ELMOD1: variants seen among roughly 807,000 people sequenced by gnomAD.
ELMOD1 encodes ELMO domain-containing protein 1.
Under a neutral mutation model 46.7 loss-of-function variants are expected in ELMOD1, and 21 were observed. The ratio of observed to expected loss-of-function variants is 0.45; its 90% CI spans 0.32 to 0.65. The LOEUF is 0.65. Among genes scored for constraint, ELMOD1 ranks in the 30% least tolerant of loss-of-function variants. The pLI is 0.04. For synonymous variants in ELMOD1, 122 were observed against 138.2 expected (o/e 0.88, Z 0.82); for missense variants, 348 against 407.8 (o/e 0.85, Z 1.26).
intron 6 of ELMOD1, chr11:107,643,940 A>C (rs1372292608): frequency 6.1e-6 from 1 of 163,182 alleles, no homozygotes; most frequent in Non-Finnish European, 1.3e-5. Context: ...GCCTTTCATG[A>C]TCCATAAAAT....
intron 1 of ELMOD1, among the ~76,000 whole-genome samples, chr11:107,612,079 A>C (rs1464190981): frequency 2.0e-5 from 3 of 152,234 alleles, no homozygotes; most frequent in African/African-American, 7.2e-5. Flanking sequence ...TCGTCACAGC[A>C]TATGTTCACA....
At chr11:107,619,124 G>T (rs931563126) in intron 2 of ELMOD1, among the ~76,000 whole-genome samples, 1 of 152,112 alleles carries the variant, frequency 6.6e-6, no homozygotes, top group African/African-American at 2.4e-5. Flanking sequence ...CCCCACCCCA[G>T]TGGTTTTGGT....
rs547798766 is a variant in ELMOD1 at position 107,647,568 on chromosome 11, G to T, written c.521G>T (p.Arg174Leu). 1 of 1,613,446 alleles carries T rather than the reference G, an allele frequency of 6.2e-7. No individual in the cohort carries two copies. Reference protein sequence around the residue: ...FQGDDPKTDFRGMGLLGLYNL... With the variant: ...FQGDDPKTDFLGMGLLGLYNL... ...GGTGATGATCCTAAAACAGACTTTCGAGGAATGGGACTTCTGGGACTGTAC... is the reference window on the plus strand; with the variant it reads ...GGTGATGATCCTAAAACAGACTTTCTAGGAATGGGACTTCTGGGACTGTAC... The change falls in exon 7 of 12, where the codon CGA becomes CTA. Residue 174 changes from arginine (R) to leucine (L), a missense_variant. By Grantham distance (102) the Arg-to-Leu change is moderately radical. Transcript: ENST00000265840.
intron 6 of ELMOD1, among the ~76,000 whole-genome samples, chr11:107,645,215 G>C (rs1027183198): frequency 1.3e-5 from 2 of 151,700 alleles, no homozygotes; most frequent in African/African-American, 4.8e-5. Context: ...AGGATCACAG[G>C]CGTGAGCCAC....
At chr11:107,594,883 T>A (rs1036475262) in intron 1 of ELMOD1, among the ~76,000 whole-genome samples, 2 of 151,736 alleles carry the variant, frequency 1.3e-5, no homozygotes, top group African/African-American at 4.8e-5. Flanking sequence ...TGAAAATGAC[T>A]CTATGCTTGT....
intron 2 of ELMOD1, among the ~76,000 whole-genome samples, chr11:107,628,160 T>G: frequency 6.7e-6 from 1 of 149,554 alleles, no homozygotes; most frequent in African/African-American, 2.5e-5. Context: ...AGCTGAGGGG[T>G]TTTTTTGTTT....
chr11:107,635,698 A>T lies in ELMOD1; in HGVS notation c.353A>T (p.Asp118Val), dbSNP rs752311387. Reference sequence around the variant, plus strand: ...GTTGGGTACAGGAACCTTATTGCAGATGTGGAAAAACTGCGTAGAGAGGCC... The same window carrying T: ...GTTGGGTACAGGAACCTTATTGCAGTTGTGGAAAAACTGCGTAGAGAGGCC... ...QIVGYRNLIADVEKLRREAYD... is the reference protein window; with the variant it reads ...QIVGYRNLIAVVEKLRREAYD... The change falls in exon 6 of 12, where the codon GAT becomes GTT. Residue 118 changes from aspartate to valine, a missense_variant. Transcript: ENST00000265840. 6.8e-6 allele frequency: 11 copies of T among 1,613,784 alleles called. No homozygotes were observed. The Admixed American group carries it at 1.7e-4, about 24-fold the overall frequency.
intron 1 of ELMOD1, among the ~76,000 whole-genome samples, chr11:107,606,662 G>A (rs651479): frequency 5.6e-4 from 85 of 152,094 alleles, no homozygotes; most frequent in Middle Eastern, 6.8e-3. Context: ...TGGTGAAACC[G>A]CGTCTCTACT....
intron 1 of ELMOD1, among the ~76,000 whole-genome samples, chr11:107,614,293 G>A (rs562325947): frequency 6.6e-6 from 1 of 152,256 alleles, no homozygotes; most frequent in Non-Finnish European, 1.5e-5. Flanking sequence ...TTTAGGTATA[G>A]GATTTATTCC....
chr11:107,654,662 G>T (rs1014249790), intron 10 of ELMOD1, among the ~76,000 whole-genome samples: 2 of 151,906 alleles, frequency 1.3e-5, no homozygotes, highest in Admixed American at 6.6e-5. Flanking sequence ...CCAGCTACTC[G>T]GGAGGCTGAG....
intron 2 of ELMOD1, among the ~76,000 whole-genome samples, chr11:107,629,960 C>G (rs762314227): frequency 6.6e-6 from 1 of 151,724 alleles, no homozygotes; most frequent in Non-Finnish European, 1.5e-5. Context: ...TGGGATTGGT[C>G]GAGGGTGAGG....
At chr11:107,657,403 TGTA>T (rs1455733840) in intron 11 of ELMOD1, among the ~76,000 whole-genome samples, 2 of 152,016 alleles carry the variant, frequency 1.3e-5, no homozygotes, top group Non-Finnish European at 2.9e-5. Context: ...ATTAGCCAGC[TGTA>T]GTCCCAGCCA....
At chr11:107,644,462 T>G (rs1195019856) in intron 6 of ELMOD1, among the ~76,000 whole-genome samples, 2 of 151,956 alleles carry the variant, frequency 1.3e-5, no homozygotes, top group Non-Finnish European at 2.9e-5. Context: ...AAACAAGATA[T>G]ATATATATAT....
intron 7 of ELMOD1, among the ~76,000 whole-genome samples, chr11:107,647,957 T>C (rs886118619): frequency 1.3e-5 from 2 of 152,196 alleles, no homozygotes; most frequent in Non-Finnish European, 2.9e-5. Flanking sequence ...CATTATTTTT[T>C]TGGCAGAAGG....
chr11:107,635,448 C>T (rs1866212077), intron 5 of ELMOD1, among the ~76,000 whole-genome samples, 188 bp from the exon 6 acceptor site: 1 of 152,144 alleles, frequency 6.6e-6, no homozygotes, highest in South Asian at 2.1e-4. Flanking sequence ...AAATTTTAGC[C>T]AGGTTCTACA....
intron 2 of ELMOD1, among the ~76,000 whole-genome samples, chr11:107,627,126 C>T (rs1035188752): frequency 6.6e-6 from 1 of 152,122 alleles, no homozygotes; most frequent in African/African-American, 2.4e-5. Context: ...ACTAGCATAG[C>T]AGGAAAGTAT....
chr11:107,637,916 T>C (rs554351092), intron 6 of ELMOD1, among the ~76,000 whole-genome samples: 13 of 152,290 alleles, frequency 8.5e-5, no homozygotes, highest in African/African-American at 3.1e-4. Context: ...GATATATTCA[T>C]TGTCATTCCC....
chr11:107,631,044 A>G (rs940796230), intron 4 of ELMOD1, among the ~76,000 whole-genome samples: 1 of 152,192 alleles, frequency 6.6e-6, no homozygotes, highest in Non-Finnish European at 1.5e-5. Context: ...TATTTCCTCA[A>G]TATCCAAATC....
Position 107,618,197 on chromosome 11 carries a change from A to G in ELMOD1, c.8A>G (p.His3Arg). 1 of 1,566,584 alleles carries G rather than the reference A, an allele frequency of 6.4e-7. No individual in the cohort carries two copies. Among genetic ancestry groups the G allele is most frequent in the Non-Finnish European group, 8.7e-7 (1 of 1,154,656 alleles). The change falls in exon 2 of 12, where the codon CAC becomes CGC. Residue 3 changes from histidine (H) to arginine (R), a missense_variant. His to Arg is a conservative substitution (Grantham distance 29). Transcript: ENST00000265840. The stretch of plus-strand genomic sequence containing the variant: ...ACAGTCAACACGGGCACCATGAAGC[A>G]CTTCCTGAGGTATGTGTTTACGGTT... MK[H>R]FLRMLIQVCL...
Sources: gnomAD v4.1 joint callset for allele counts (sites outside exome capture counted in the v4.1 genomes callset) on GRCh38, gnomAD v4.1.1 for gene constraint, MANE v1.5 for transcripts, NCBI Gene and HGNC (gene_info 2026-07-23, HGNC 2026-07-21) for gene names.